Variants in KCNH1 observed in about 807,000 individuals in gnomAD.
KCNH1 encodes the protein potassium voltage-gated channel subfamily H member 1, also known as voltage-gated delayed rectifier potassium channel KCNH1.
A neutral mutation model predicts 69.2 loss-of-function variants in KCNH1; 27 were observed. The observed-to-expected ratio is 0.39, with a 90% CI of 0.29 to 0.54. The LOEUF (loss-of-function observed/expected upper bound fraction) is 0.54. Ranked by LOEUF, KCNH1 falls within the 20% of genes least tolerant of loss-of-function variation. KCNH1 has a pLI of 0.68. For synonymous variants in KCNH1, 456 were observed against 487.7 expected (o/e 0.93, Z 0.86); for missense variants, 798 against 1,261.6 (o/e 0.63, Z 5.57).
chr1:210,874,418 T>A (rs937422567), intron 7 of KCNH1, among the ~76,000 whole-genome samples: 1 of 152,222 alleles, frequency 6.6e-6, no homozygotes, highest in African/African-American at 2.4e-5. Context: ...CCTAGAAATA[T>A]AAGAAGTGGC....
chr1:210,719,153 A>G (rs1682387839), intron 10 of KCNH1, among the ~76,000 whole-genome samples: 1 of 152,208 alleles, frequency 6.6e-6, no homozygotes, highest in African/African-American at 2.4e-5. Context: ...CATTAGCCAC[A>G]TTTCAAGTGT....
At chr1:210,901,355 C>T (rs972863153) in intron 7 of KCNH1, among the ~76,000 whole-genome samples, 1 of 152,184 alleles carries the variant, frequency 6.6e-6, no homozygotes, top group South Asian at 2.1e-4. Context: ...CATCAGAGCT[C>T]ACCTCAGTTC....
At chr1:210,715,095 G>A (rs1259185941) in intron 10 of KCNH1, among the ~76,000 whole-genome samples, 3 of 152,180 alleles carry the variant, frequency 2.0e-5, no homozygotes, top group African/African-American at 7.2e-5. Context: ...TCAATAGGGG[G>A]CCTGACAGCA....
In KCNH1 at chr1:210,957,821, T is replaced by TACA. The variant is rs1350460416; in HGVS notation, c.1033-37753_1033-37752insTGT. Among the ~76,000 whole-genome samples the TACA allele has an allele frequency of 1.8e-4, 27 of 152,344 alleles. 1 individual carries two copies. Among genetic ancestry groups the TACA allele is most frequent in the African/African-American group, 6.0e-4 (25 of 41,590 alleles). On this transcript the variant is annotated intron_variant, in intron 6 of 10. Transcript: ENST00000271751. ...CCTATGTGTGTCTCTGCACATGAGA[T>TACA]GGGTCTCCTGAATACAGCACACTGA...
chr1:211,074,865 A>T (rs1189306664), intron 5 of KCNH1, among the ~76,000 whole-genome samples: 1 of 152,186 alleles, frequency 6.6e-6, no homozygotes, highest in Non-Finnish European at 1.5e-5. Flanking sequence ...CCATCTGTCA[A>T]CCTGCCCTGT....
chr1:210,702,250 A>G (rs140107323), intron 10 of KCNH1, among the ~76,000 whole-genome samples: 5 of 152,324 alleles, frequency 3.3e-5, no homozygotes, highest in Non-Finnish European at 7.3e-5. Context: ...TGGCCCTGCA[A>G]TCTGAGGATT....
chr1:211,131,702 C>T (rs1369904136), intron 1 of KCNH1, among the ~76,000 whole-genome samples: 2 of 152,008 alleles, frequency 1.3e-5, no homozygotes, highest in African/African-American at 2.4e-5. Flanking sequence ...TTTTTTCTTC[C>T]ATTTGTGTTC....
intron 7 of KCNH1, among the ~76,000 whole-genome samples, chr1:210,880,317 T>C (rs1686468746): frequency 6.6e-6 from 1 of 151,952 alleles, no homozygotes; most frequent in African/African-American, 2.4e-5. Context: ...ACTAGAGGAG[T>C]GACACCATCC....
intron 10 of KCNH1, among the ~76,000 whole-genome samples, chr1:210,762,994 AT>A (rs1308396750): frequency 6.6e-6 from 1 of 152,164 alleles, no homozygotes; most frequent in East Asian, 1.9e-4. Context: ...AGGAAACTAA[AT>A]CCAGCAGCAC....
chr1:210,966,369 C>A (rs1349639263), intron 6 of KCNH1, among the ~76,000 whole-genome samples: 6 of 152,064 alleles, frequency 3.9e-5, no homozygotes, highest in Non-Finnish European at 7.4e-5. Context: ...GCAACAAAAG[C>A]CAAAATTGAC....
chr1:210,699,171 G>C (rs563305861), intron 10 of KCNH1, among the ~76,000 whole-genome samples: 30 of 152,298 alleles, frequency 2.0e-4, no homozygotes, highest in African/African-American at 5.3e-4. Flanking sequence ...TGGGTTAAAT[G>C]AGACATAATG....
intron 6 of KCNH1, among the ~76,000 whole-genome samples, chr1:211,006,851 A>T (rs919340073): frequency 1.3e-5 from 2 of 152,178 alleles, no homozygotes; most frequent in African/African-American, 4.8e-5. Flanking sequence ...TTTTAATGTC[A>T]TAAAAAGGGA....
intron 7 of KCNH1, among the ~76,000 whole-genome samples, chr1:210,811,089 G>T (rs192168076): frequency 5.9e-5 from 9 of 152,242 alleles, no homozygotes; most frequent in East Asian, 3.9e-4. Flanking sequence ...AAGGTTGAAG[G>T]TTTCAATATT....
At chr1:210,798,638 G>A (rs1361957137) in intron 8 of KCNH1, among the ~76,000 whole-genome samples, 2 of 152,152 alleles carry the variant, frequency 1.3e-5, no homozygotes, top group Admixed American at 6.5e-5. Flanking sequence ...GCTACAGAGC[G>A]ATGTTAGAGA....
intron 7 of KCNH1, chr1:210,859,772 G>A (rs1305878852): frequency 2.9e-6 from 3 of 1,018,000 alleles, no homozygotes; most frequent in South Asian, 1.3e-5. Flanking sequence ...CAGAGACTGA[G>A]AACACACATC....
chr1:211,128,863 C>T (rs1410828446), intron 1 of KCNH1, among the ~76,000 whole-genome samples: 1 of 152,040 alleles, frequency 6.6e-6, no homozygotes, highest in African/African-American at 2.4e-5. Context: ...GACCAAATGA[C>T]AGCAACAAAG....
At chr1:210,772,851 A>T (rs189887017) in intron 10 of KCNH1, among the ~76,000 whole-genome samples, 17 of 152,268 alleles carry the variant, frequency 1.1e-4, no homozygotes, top group Non-Finnish European at 2.2e-4. Context: ...TGTGGCTATA[A>T]AAAATCCTCC....
intron 1 of KCNH1, among the ~76,000 whole-genome samples, chr1:211,123,403 A>G (rs1049416399): frequency 2.7e-4 from 41 of 152,214 alleles, no homozygotes; most frequent in African/African-American, 9.4e-4. Context: ...AGAAACAGGG[A>G]GCTCAGATAC....
intron 6 of KCNH1, among the ~76,000 whole-genome samples, chr1:211,013,989 A>G (rs770793609): frequency 2.6e-5 from 4 of 152,198 alleles, no homozygotes; most frequent in Non-Finnish European, 5.9e-5. Context: ...CTAGAAGGTA[A>G]GTATCTCCCA....
Sources: allele counts gnomAD v4.1 joint callset (sites outside exome capture counted in the v4.1 genomes callset), GRCh38; gene constraint gnomAD v4.1.1; transcripts MANE v1.5; gene names NCBI Gene and HGNC (gene_info 2026-07-23, HGNC 2026-07-21).